Variants in ZNRF3 observed in about 807,000 individuals in gnomAD.
ZNRF3 encodes the protein zinc and ring finger 3.
ZNRF3 carries 23 observed loss-of-function variants against 72.5 expected under a neutral mutation model. The ratio of observed to expected loss-of-function variants is 0.32; its 90% CI spans 0.23 to 0.45. ZNRF3 has a LOEUF of 0.45. ZNRF3 is among the 20% of genes least tolerant of loss of function. The pLI is 1.00. For missense variants in ZNRF3, 1,169 were observed against 1,272.1 expected (o/e 0.92, Z 1.23); for synonymous variants, 610 against 545.3 (o/e 1.12, Z -1.65).
chr22:28,896,117 A>G (rs1414754298), intron 1 of ZNRF3, among the ~76,000 whole-genome samples: 1 of 147,102 alleles, frequency 6.8e-6, no homozygotes, highest in Non-Finnish European at 1.5e-5. Context: ...CGCCCGGCTA[A>G]TTTTTATTTT....
chr22:28,947,880 C>G (rs2123792482), intron 1 of ZNRF3, among the ~76,000 whole-genome samples: 1 of 152,188 alleles, frequency 6.6e-6, no homozygotes, highest in Admixed American at 6.5e-5. Flanking sequence ...GAGTATTGCT[C>G]TGTCACCAGG....
chr22:28,975,472 C>G (rs2035653312), intron 1 of ZNRF3, among the ~76,000 whole-genome samples: 1 of 138,972 alleles, frequency 7.2e-6, no homozygotes, highest in Non-Finnish European at 1.5e-5. Context: ...CGGGCCACTG[C>G]ACTCCAGCCT....
chr22:28,936,829 C>T (rs2034828221), intron 1 of ZNRF3, among the ~76,000 whole-genome samples: 1 of 152,076 alleles, frequency 6.6e-6, no homozygotes. Flanking sequence ...TTCTAGGCGT[C>T]TTCTACAGTA....
chr22:28,896,845 C>G (rs542164017), intron 1 of ZNRF3, among the ~76,000 whole-genome samples: 9 of 152,334 alleles, frequency 5.9e-5, no homozygotes, highest in African/African-American at 1.7e-4. Context: ...CAATGCTTGG[C>G]TTGCTCTGCC....
chr22:29,035,827 T>C (rs1197934016), intron 2 of ZNRF3, among the ~76,000 whole-genome samples: 1 of 152,044 alleles, frequency 6.6e-6, no homozygotes, highest in Non-Finnish European at 1.5e-5. Context: ...CAATCCACCC[T>C]CCTTGGCCTC....
chr22:28,986,858 C>T (rs1029239819), intron 1 of ZNRF3, among the ~76,000 whole-genome samples: 3 of 152,160 alleles, frequency 2.0e-5, no homozygotes, highest in African/African-American at 2.4e-5. Flanking sequence ...AGTAAAAAAG[C>T]ATGCATAACA....
chr22:29,046,934 G>C, intron 6 of ZNRF3, 51 bp downstream of exon 6: 1 of 1,444,962 alleles, frequency 6.9e-7, no homozygotes. Flanking sequence ...AGGCAGGTCA[G>C]CAGAGGTGCC....
intron 2 of ZNRF3, among the ~76,000 whole-genome samples, chr22:29,033,748 C>T (rs2036810354): frequency 6.6e-6 from 1 of 152,052 alleles, no homozygotes. Context: ...TGACTTTGCC[C>T]CATGGGTGGA....
At chr22:28,954,266 G>A (rs975524979) in intron 1 of ZNRF3, among the ~76,000 whole-genome samples, 2 of 152,148 alleles carry the variant, frequency 1.3e-5, no homozygotes, top group Admixed American at 6.6e-5. Context: ...CAGCATGGTC[G>A]GGTTCTGGTG....
At chr22:28,885,638 TTTTTGAAGGAGAC>T (rs1601522797) in intron 1 of ZNRF3, among the ~76,000 whole-genome samples, 2 of 151,830 alleles carry the variant, frequency 1.3e-5, no homozygotes, top group East Asian at 3.9e-4. Context: ...GGCACTTGAC[TTTTTGAAGGAGAC>T]TTTTGAAGTT....
rs1409314767 is a variant in ZNRF3, at chr22:29,050,458, C to G, written c.2277C>G (p.Tyr759Ter). 1 of 1,611,834 alleles carries G rather than the reference C, an allele frequency of 6.2e-7. No individual in the cohort carries two copies. Among genetic ancestry groups the G allele is most frequent in the Non-Finnish European group, 8.5e-7 (1 of 1,179,430 alleles). Residue 759 changes from tyrosine (Y) to a stop codon, truncating the protein, a stop_gained, in exon 8 of 9, where the codon TAC (tyrosine) becomes TAG (stop). Coordinates refer to ENST00000544604, the MANE Select transcript of ZNRF3 (RefSeq NM_001206998.2). LOFTEE classifies it high-confidence loss of function. ...EPQSGSSQGL[Y>*]GLHPDHLPRT... is the part of the protein sequence containing the mutation. ...AGTCAGGAAGCTCCCAGGGCTTGTA[C>G]GGCCTTCACCCCGACCATTTGCCCA...
intron 2 of ZNRF3, among the ~76,000 whole-genome samples, chr22:29,005,854 G>T (rs1039371867): frequency 6.6e-6 from 1 of 152,090 alleles, no homozygotes; most frequent in African/African-American, 2.4e-5. Context: ...TGACCAACAT[G>T]GAGAAACCCC....
intron 1 of ZNRF3, among the ~76,000 whole-genome samples, chr22:28,955,032 G>GTTT (rs372334361): frequency 3.2e-4 from 44 of 137,112 alleles, no homozygotes; most frequent in Non-Finnish European, 3.8e-4. Context: ...TATTTTTGGT[G>GTTT]TTTTTTTTTT....
intron 2 of ZNRF3, among the ~76,000 whole-genome samples, chr22:29,010,256 C>T (rs2036326477): frequency 3.3e-5 from 5 of 152,116 alleles, no homozygotes; most frequent in Admixed American, 3.3e-4. Context: ...AGGCTCCTCA[C>T]TTCTGCCTCC....
intron 2 of ZNRF3, among the ~76,000 whole-genome samples, chr22:28,990,548 G>A (rs2035934987): frequency 6.6e-6 from 1 of 152,078 alleles, no homozygotes; most frequent in Admixed American, 6.5e-5. Context: ...GCTGGGAGTG[G>A]TGGCATGCAC....
intron 1 of ZNRF3, among the ~76,000 whole-genome samples, chr22:28,984,528 A>G (rs936319336): frequency 1.3e-5 from 2 of 152,252 alleles, no homozygotes; most frequent in Non-Finnish European, 1.5e-5. Flanking sequence ...CCATAAATGT[A>G]TAAGTAACCA....
At chr22:29,032,226 G>A (rs146092086) in intron 2 of ZNRF3, among the ~76,000 whole-genome samples, 18 of 152,328 alleles carry the variant, frequency 1.2e-4, no homozygotes, top group Non-Finnish European at 2.2e-4. Context: ...GCCTGTTCTT[G>A]TGGACATGGC....
intron 2 of ZNRF3, among the ~76,000 whole-genome samples, chr22:29,011,575 CTG>C (rs2036348939): frequency 6.6e-6 from 1 of 152,232 alleles, no homozygotes; most frequent in African/African-American, 2.4e-5. Context: ...TTCAACCAAA[CTG>C]TGCTTTTATC....
At chr22:28,954,799 G>A (rs1323799830) in intron 1 of ZNRF3, among the ~76,000 whole-genome samples, 2 of 151,964 alleles carry the variant, frequency 1.3e-5, no homozygotes, top group African/African-American at 2.4e-5. Context: ...ATGTTTTATA[G>A]AGACAGGGTT....
Sources: gnomAD v4.1 joint callset for allele counts (sites outside exome capture counted in the v4.1 genomes callset) on GRCh38, gnomAD v4.1.1 for gene constraint, MANE v1.5 for transcripts, NCBI Gene and HGNC (gene_info 2026-07-23, HGNC 2026-07-21) for gene names.